Variants in DLGAP1 observed in about 807,000 individuals in gnomAD.
DLGAP1 encodes the protein disks large-associated protein 1.
Under a neutral mutation model 90.8 loss-of-function variants are expected in DLGAP1, and 11 were observed. The ratio of observed to expected loss-of-function variants is 0.12; its 90% CI spans 0.08 to 0.20. The LOEUF is 0.20. Among genes scored for constraint, DLGAP1 ranks in the 10% least tolerant of loss-of-function variants. DLGAP1 has a pLI of 1.00. For synonymous variants in DLGAP1, 558 were observed against 540.7 expected (o/e 1.03, Z -0.44); for missense variants, 1,050 against 1,333.8 (o/e 0.79, Z 3.31).
intron 1 of DLGAP1, among the ~76,000 whole-genome samples, chr18:4,436,796 AC>A (rs1182552580): frequency 6.6e-6 from 1 of 152,218 alleles, no homozygotes; most frequent in Non-Finnish European, 1.5e-5. Flanking sequence ...TATTCTCTCG[AC>A]ACCTAGGGGT....
intron 1 of DLGAP1, among the ~76,000 whole-genome samples, chr18:4,347,107 GAC>G (rs973086494): frequency 3.3e-5 from 5 of 152,112 alleles, no homozygotes; most frequent in East Asian, 3.9e-4. Flanking sequence ...TTAGATAAAA[GAC>G]ACAGTTTTCC....
intron 2 of DLGAP1, among the ~76,000 whole-genome samples, chr18:4,052,223 C>A (rs2075144773): frequency 6.6e-6 from 1 of 152,196 alleles, no homozygotes; most frequent in South Asian, 2.1e-4. Context: ...GGACTCTAAC[C>A]CCACATTTCC....
At chr18:4,254,792 TC>T (rs1412510272) in intron 1 of DLGAP1, among the ~76,000 whole-genome samples, 1 of 152,200 alleles carries the variant, frequency 6.6e-6, no homozygotes, top group Non-Finnish European at 1.5e-5. Flanking sequence ...GCTTTGGAGT[TC>T]CCTTTGATTC....
intron 5 of DLGAP1, among the ~76,000 whole-genome samples, chr18:3,755,908 A>G (rs2063700863): frequency 6.6e-6 from 1 of 152,226 alleles, no homozygotes; most frequent in African/African-American, 2.4e-5. Flanking sequence ...TAGACCACAT[A>G]ATAGGTCATA....
chr18:4,297,045 A>G (rs2079999556), intron 1 of DLGAP1, among the ~76,000 whole-genome samples: 1 of 152,230 alleles, frequency 6.6e-6, no homozygotes. Context: ...AAGAGGACCT[A>G]TGACTGTTAT....
chr18:3,814,276 A>G lies in DLGAP1; in HGVS notation c.958-3T>C. On this transcript the variant is annotated splice_region_variant and splice_polypyrimidine_tract_variant and intron_variant, in intron 4 of 12. Transcript: ENST00000315677. ...CCTGTCCATTCATCTTGTGGAACCT[A>G]TTCAGATAGAAAACAGATAAATCAC... The G allele has an allele frequency of 1.9e-6, 3 of 1,613,048 alleles. No homozygotes were observed. The highest frequency in any genetic ancestry group is 2.5e-6 in the Non-Finnish European group (3 of 1,179,434).
At chr18:3,704,873 A>G (rs1369697213) in intron 7 of DLGAP1, among the ~76,000 whole-genome samples, 1 of 152,236 alleles carries the variant, frequency 6.6e-6, no homozygotes, top group Non-Finnish European at 1.5e-5. Flanking sequence ...GAACACCTTT[A>G]TGATTCCATA....
intron 1 of DLGAP1, among the ~76,000 whole-genome samples, chr18:4,442,273 C>T (rs758606899): frequency 5.3e-5 from 8 of 152,184 alleles, no homozygotes; most frequent in Non-Finnish European, 1.0e-4. Context: ...GCTGGGATTA[C>T]AGGCGTGAGC....
intron 6 of DLGAP1, among the ~76,000 whole-genome samples, chr18:3,732,528 TTC>T (rs2062476414): frequency 6.6e-6 from 1 of 152,254 alleles, no homozygotes; most frequent in African/African-American, 2.4e-5. Flanking sequence ...GATAAATTTG[TTC>T]TCTCTTATAT....
intron 7 of DLGAP1, among the ~76,000 whole-genome samples, chr18:3,639,793 C>G (rs567896998): frequency 8.1e-6 from 1 of 123,390 alleles, no homozygotes; most frequent in African/African-American, 3.4e-5. Flanking sequence ...CTTGCTCTGT[C>G]GCCCAGGCTG....
intron 7 of DLGAP1, among the ~76,000 whole-genome samples, chr18:3,686,129 T>C (rs959381473): frequency 6.6e-6 from 1 of 152,098 alleles, no homozygotes; most frequent in Non-Finnish European, 1.5e-5. Flanking sequence ...TGAGCTGAGA[T>C]TGTGCCACTA....
intron 1 of DLGAP1, among the ~76,000 whole-genome samples, chr18:4,275,732 A>C (rs2079397389): frequency 6.6e-6 from 1 of 152,130 alleles, no homozygotes; most frequent in South Asian, 2.1e-4. Flanking sequence ...GATGTGTTAA[A>C]ATTTATGTGT....
chr18:3,707,502 A>T (rs934990617), intron 7 of DLGAP1, among the ~76,000 whole-genome samples: 1 of 152,048 alleles, frequency 6.6e-6, no homozygotes, highest in Non-Finnish European at 1.5e-5. Flanking sequence ...CAGGAGGCTG[A>T]GACAGGAGAA....
chr18:3,772,334 C>CCT lies in DLGAP1; in HGVS notation c.1173-29823_1173-29822insAG, dbSNP rs1474337978. Among the ~76,000 whole-genome samples the CCT allele has an allele frequency of 2.6e-3, 14 of 5,362 alleles. 1 individual carries two copies. The highest frequency in any genetic ancestry group is 7.8e-3 in the Admixed American group (2 of 256). The allele number at this position is 5,362 out of a possible 152,430, so 3.5% of individuals were successfully genotyped here. On this transcript the variant is annotated intron_variant, in intron 5 of 12. Coordinates refer to ENST00000315677, the MANE Select transcript of DLGAP1 (RefSeq NM_004746.4). ...CCTTCCTTCCTTCCTTTCTCTCCTT[C>CCT]TCTCTCTCTCTCTCTTTCTTTCTTT...
intron 4 of DLGAP1, among the ~76,000 whole-genome samples, chr18:3,862,250 C>A (rs1354635611): frequency 6.6e-6 from 1 of 152,200 alleles, no homozygotes; most frequent in African/African-American, 2.4e-5. Flanking sequence ...ACGGCACCAG[C>A]CAAGGGACTG....
intron 8 of DLGAP1, chr18:3,571,089 G>A (rs2054756169): frequency 6.6e-6 from 1 of 151,798 alleles, no homozygotes; most frequent in East Asian, 2.0e-4. Context: ...ATTTTTATTG[G>A]AATTTCTTTA....
intron 1 of DLGAP1, among the ~76,000 whole-genome samples, chr18:4,381,537 T>G (rs1009634394): frequency 2.8e-4 from 42 of 152,200 alleles, no homozygotes; most frequent in Admixed American, 2.0e-4. Context: ...ATGTGTTTCT[T>G]ACCTCCTTTC....
intron 7 of DLGAP1, among the ~76,000 whole-genome samples, chr18:3,678,340 A>C (rs373556): frequency 0.41 from 62,199 of 151,734 alleles, 13,712 homozygotes; most frequent in East Asian, 0.66. Context: ...GCTTGGAATT[A>C]TCTCTCTATC....
chr18:4,194,489 G>C (rs562962517), intron 1 of DLGAP1, among the ~76,000 whole-genome samples: 4 of 152,196 alleles, frequency 2.6e-5, no homozygotes, highest in Admixed American at 2.0e-4. Context: ...AAATTGTTCA[G>C]AACTTACATC....
Sources: gnomAD v4.1 joint callset for allele counts (sites outside exome capture counted in the v4.1 genomes callset) on GRCh38, gnomAD v4.1.1 for gene constraint, MANE v1.5 for transcripts, NCBI Gene and HGNC (gene_info 2026-07-23, HGNC 2026-07-21) for gene names.